USP34: variants seen among roughly 807,000 people sequenced by gnomAD.
USP34 encodes ubiquitin specific peptidase 34, also known as ubiquitin carboxyl-terminal hydrolase 34.
A neutral mutation model predicts 460.3 loss-of-function variants in USP34; 70 were observed. That is an observed-to-expected ratio of 0.15 (90% CI 0.13 to 0.19). The LOEUF is 0.19. Among genes scored for constraint, USP34 ranks in the 10% least tolerant of loss-of-function variants. The pLI is 1.00. For missense variants in USP34, 3,985 were observed against 4,236.2 expected, an observed-to-expected ratio of 0.94 and a Z score of 1.65; for synonymous variants, 1,647 against 1,405.3, an observed-to-expected ratio of 1.17 and a Z score of -3.85.
At chr2:61,417,097 T>C (rs1694219788) in intron 2 of USP34, 8 of 1,474,348 alleles carry the variant, frequency 5.4e-6, no homozygotes, top group Admixed American at 3.4e-5. Context: ...ATGCGCCTTG[T>C]TCTGCAGCTT....
chr2:61,406,705 A>C, intron 2 of USP34, among the ~76,000 whole-genome samples: 1 of 148,348 alleles, frequency 6.7e-6, no homozygotes, highest in Non-Finnish European at 1.5e-5. Flanking sequence ...GTGTATTTAA[A>C]AAAAAAAAAA....
intron 10 of USP34, among the ~76,000 whole-genome samples, chr2:61,352,819 G>A (rs552208376): frequency 4.4e-4 from 67 of 152,152 alleles, no homozygotes; most frequent in African/African-American, 1.5e-3. Flanking sequence ...CAAGGAGGAT[G>A]AAGAAACAAA....
intron 53 of USP34, among the ~76,000 whole-genome samples, chr2:61,238,458 C>T (rs1688136681): frequency 6.6e-6 from 1 of 152,176 alleles, no homozygotes; most frequent in African/African-American, 2.4e-5. Context: ...CTATCAACTA[C>T]ACTTTCTGAG....
chr2:61,453,317 G>A (rs549850746), intron 1 of USP34, among the ~76,000 whole-genome samples: 1 of 152,092 alleles, frequency 6.6e-6, no homozygotes, highest in Non-Finnish European at 1.5e-5. Context: ...AGGAGGCTAA[G>A]ATGGGAGGAC....
chr2:61,308,355 T>C (rs1310425105), intron 27 of USP34, among the ~76,000 whole-genome samples: 9 of 152,086 alleles, frequency 5.9e-5, no homozygotes, highest in Admixed American at 3.3e-4. Context: ...AGCTCTTAGA[T>C]ATTAAAAGCA....
intron 75 of USP34, among the ~76,000 whole-genome samples, chr2:61,197,637 G>A (rs1686846576): frequency 6.6e-6 from 1 of 152,056 alleles, no homozygotes; most frequent in African/African-American, 2.4e-5. Flanking sequence ...TTGCTCTGTT[G>A]CCCAGACTGT....
Position 61,348,172 on chromosome 2 carries a change from C to T in USP34, c.1983G>A (p.Met661Ile), listed in dbSNP as rs772822331. Residue 661 changes from methionine to isoleucine, a missense_variant, in exon 15 of 80, where the codon ATG becomes ATA. Physicochemically the swap from Met to Ile is conservative, Grantham distance 10. This residue lies in a region of USP34 where 716 missense variants were observed against 626.2 expected (regional missense o/e 1.14). Coordinates refer to ENST00000398571, the MANE Select transcript of USP34 (RefSeq NM_014709.4). ...CGCTGCTTGTCCCATTTCTTTCTGA[C>T]ATGCCTTGGGAGTCCCCCAGGCAAA... Reference protein sequence around the residue: ...AGICLGDSQGMSERNGTSSGT... With the variant: ...AGICLGDSQGISERNGTSSGT... 1.3e-5 allele frequency: 21 copies of T among 1,614,058 alleles called. No individual in the cohort carries two copies. The highest frequency in any genetic ancestry group is 9.3e-5 in the African/African-American group (7 of 74,918).
chr2:61,370,137 T>A (rs138118439), intron 10 of USP34, among the ~76,000 whole-genome samples, 184 bp downstream of exon 10: 1 of 152,310 alleles, frequency 6.6e-6, no homozygotes, highest in East Asian at 1.9e-4. Flanking sequence ...TGACTGACTC[T>A]GATTTCCTTC....
chr2:61,384,603 G>A (rs1693080039), intron 5 of USP34, among the ~76,000 whole-genome samples: 1 of 152,092 alleles, frequency 6.6e-6, no homozygotes, highest in African/African-American at 2.4e-5. Flanking sequence ...AACCCAGGAG[G>A]TGGAAGTCTC....
intron 10 of USP34, among the ~76,000 whole-genome samples, chr2:61,359,096 C>G (rs2103807526): frequency 6.6e-6 from 1 of 152,158 alleles, no homozygotes. Flanking sequence ...AAAAGCTGAT[C>G]TTCAAATTCA....
chr2:61,321,722 CG>C (rs1558528797), intron 21 of USP34, among the ~76,000 whole-genome samples: 1 of 151,830 alleles, frequency 6.6e-6, no homozygotes, highest in African/African-American at 2.4e-5. Flanking sequence ...ACACAACTTA[CG>C]AAGTATTCTC....
chr2:61,315,033 A>G (rs1572927027), intron 23 of USP34, 59 bp from the exon 24 acceptor site: 3 of 1,279,074 alleles, frequency 2.3e-6, no homozygotes, highest in South Asian at 1.4e-5. Flanking sequence ...TAACTCATTA[A>G]GACTGAAGTA....
chr2:61,458,825 T>C lies in USP34; in HGVS notation c.43+11825A>G, dbSNP rs543157609. The stretch of plus-strand genomic sequence containing the variant: ...GCTCACGCCTGTAATCCCAGCACTT[T>C]GGGAGGCCAAGGCAGGTGGATGGTG... On this transcript the variant is annotated intron_variant, in intron 1 of 79. Transcript: ENST00000398571. 2.6e-5 allele frequency among the ~76,000 whole-genome samples: 4 copies of C among 152,080 alleles called. No individual in the cohort carries two copies. The East Asian group carries it at 5.8e-4, about 22-fold the overall frequency.
intron 20 of USP34, among the ~76,000 whole-genome samples, chr2:61,329,303 G>C (rs967488086): frequency 6.6e-6 from 1 of 152,110 alleles, no homozygotes; most frequent in African/African-American, 2.4e-5. Flanking sequence ...TGGGATTACA[G>C]CCATGAGCCA....
At chr2:61,393,094 A>C (rs1015523862) in intron 5 of USP34, among the ~76,000 whole-genome samples, 12 of 152,192 alleles carry the variant, frequency 7.9e-5, no homozygotes, top group African/African-American at 2.7e-4. Context: ...AATCCTCTAA[A>C]GTAGATGGAT....
At chr2:61,301,603 T>C (rs370903850) in intron 27 of USP34, 149 bp from the exon 28 acceptor site, 4 of 687,120 alleles carry the variant, frequency 5.8e-6, no homozygotes, top group African/African-American at 5.4e-5. Flanking sequence ...AGATTGAGGA[T>C]AGTTATTTCT....
At chr2:61,373,606 A>G (rs1222219360) in intron 8 of USP34, among the ~76,000 whole-genome samples, 1 of 152,220 alleles carries the variant, frequency 6.6e-6, no homozygotes. Context: ...TATGGACCTA[A>G]CAAAAGAATT....
At chr2:61,303,787 G>C (rs1451737756) in intron 27 of USP34, among the ~76,000 whole-genome samples, 1 of 151,958 alleles carries the variant, frequency 6.6e-6, no homozygotes, top group African/African-American at 2.4e-5. Flanking sequence ...TAGTAGAGAT[G>C]GGGTTTCACC....
chr2:61,432,500 T>C (rs1694707077), intron 1 of USP34, among the ~76,000 whole-genome samples: 1 of 151,874 alleles, frequency 6.6e-6, no homozygotes, highest in Non-Finnish European at 1.5e-5. Flanking sequence ...CAAACAAAGC[T>C]GGACACAGTG....
Sources: allele counts gnomAD v4.1 joint callset (sites outside exome capture counted in the v4.1 genomes callset), GRCh38; gene constraint gnomAD v4.1.1; regional missense constraint gnomAD v4.1.1; transcripts MANE v1.5; gene names NCBI Gene and HGNC (gene_info 2026-07-23, HGNC 2026-07-21).